Variants in ITGA11 observed in about 807,000 individuals in gnomAD.
ITGA11 encodes the protein integrin alpha-11.
A neutral mutation model predicts 141.9 loss-of-function variants in ITGA11; 97 were observed. The observed-to-expected ratio is 0.68, with a 90% CI of 0.58 to 0.81. ITGA11 has a LOEUF of 0.81. Ranked by LOEUF, ITGA11 falls within the 30% of genes least tolerant of loss-of-function variation. The pLI, the probability that ITGA11 is intolerant of heterozygous loss-of-function variation, is 0.00. For synonymous variants in ITGA11, 658 were observed against 624.6 expected, an observed-to-expected ratio of 1.05 and a Z score of -0.80; for missense variants, 1,387 against 1,559.2, an observed-to-expected ratio of 0.89 and a Z score of 1.86.
rs7163918 is a variant in ITGA11 at position 68,325,480 on chromosome 15, T to C, written c.2212-239A>G. ...TGCCAACCTAGCTGCCTGGCTGTTT[T>C]GCCAAGCTCCTGCACATCCTTCGGG... On this transcript the variant is annotated intron_variant, in intron 17 of 29. Transcript: ENST00000315757. This position sits in a 1 kb window ranked among gnomAD's most constrained non-coding sequence, Gnocchi z 5.5. Among the ~76,000 whole-genome samples, 16,103 of 152,144 alleles carry C rather than the reference T, an allele frequency of 0.11. 2,045 individuals are homozygous for C. Among genetic ancestry groups the C allele is most frequent in the African/African-American group, 0.31 (12,857 of 41,422 alleles).
At chr15:68,349,074 C>T (rs1464532936) in intron 9 of ITGA11, among the ~76,000 whole-genome samples, 174 bp from the exon 10 acceptor site, 1 of 152,230 alleles carries the variant, frequency 6.6e-6, no homozygotes, top group Non-Finnish European at 1.5e-5. Context: ...CCTCAGCCCT[C>T]CCCAGCACCC....
At chr15:68,377,014 C>T (rs961155433) in intron 2 of ITGA11, among the ~76,000 whole-genome samples, 4 of 152,234 alleles carry the variant, frequency 2.6e-5, no homozygotes, top group Admixed American at 1.3e-4. Context: ...AGCAGCACTT[C>T]TACCCTGGGA....
At chr15:68,415,299 G>A (rs1053784840) in intron 1 of ITGA11, among the ~76,000 whole-genome samples, 18 of 152,288 alleles carry the variant, frequency 1.2e-4, no homozygotes, top group African/African-American at 3.9e-4. Context: ...TGGAGAAGAC[G>A]GGGAGGAATA....
intron 2 of ITGA11, among the ~76,000 whole-genome samples, chr15:68,376,953 T>C (rs966715415): frequency 6.6e-6 from 1 of 152,186 alleles, no homozygotes; most frequent in Non-Finnish European, 1.5e-5. Context: ...TGGGAAGCCC[T>C]GTTTGAAGGA....
At chr15:68,331,175 G>GAGCAGC in intron 14 of ITGA11, 64 bp from the exon 15 acceptor site, 1 of 1,440,924 alleles carries the variant, frequency 6.9e-7, no homozygotes, top group Non-Finnish European at 9.5e-7. Context: ...GGGCGTCCCC[G>GAGCAGC]AGCAGCAGGA....
intron 16 of ITGA11, among the ~76,000 whole-genome samples, chr15:68,327,885 C>T (rs1224596891): frequency 6.6e-6 from 1 of 152,234 alleles, no homozygotes; most frequent in Non-Finnish European, 1.5e-5. Flanking sequence ...CATGATCACC[C>T]CTGCTCACTG....
intron 1 of ITGA11, among the ~76,000 whole-genome samples, chr15:68,421,259 G>A (rs963757010): frequency 3.2e-4 from 48 of 152,298 alleles, no homozygotes; most frequent in African/African-American, 1.1e-3. Context: ...AAGAGCATTC[G>A]AAGCAGAAGA....
chr15:68,385,429 G>T (rs1007124872), intron 2 of ITGA11, among the ~76,000 whole-genome samples: 1 of 152,202 alleles, frequency 6.6e-6, no homozygotes, highest in Non-Finnish European at 1.5e-5. Context: ...TAGGCTCCAC[G>T]GCTGGTTTTG....
Position 68,299,704 on chromosome 15 carries a change from C to T in ITGA11, c.*3355G>A, listed in dbSNP as rs1433917726. ...CCTGGGATTGAAGCCAGGGGACTGACTCAAGTCTAATGTCTTATTCTCAGA... is the reference window on the plus strand; with the variant it reads ...CCTGGGATTGAAGCCAGGGGACTGATTCAAGTCTAATGTCTTATTCTCAGA... On this transcript the variant is annotated 3_prime_UTR_variant, in exon 30 of 30. Coordinates refer to ENST00000315757, the MANE Select transcript of ITGA11 (RefSeq NM_001004439.2). 6.6e-6 allele frequency: 1 copy of T among 152,158 alleles called. No individual in the cohort carries two copies. Among genetic ancestry groups the T allele is most frequent in the Non-Finnish European group, 1.5e-5 (1 of 68,030 alleles). The allele number at this position is 152,158 out of a possible 1,614,324, so 9.4% of individuals were successfully genotyped here.
At chr15:68,390,107 C>T (rs913763988) in intron 2 of ITGA11, among the ~76,000 whole-genome samples, 4 of 152,074 alleles carry the variant, frequency 2.6e-5, no homozygotes, top group Admixed American at 2.0e-4. Flanking sequence ...TGTGTGTCTG[C>T]GAGTGTTGTT....
chr15:68,318,687 C>T (rs1027974669), intron 20 of ITGA11, among the ~76,000 whole-genome samples: 1 of 152,102 alleles, frequency 6.6e-6, no homozygotes, highest in Non-Finnish European at 1.5e-5. Flanking sequence ...TCAGCTTCCC[C>T]TCCTGGCTAT....
chr15:68,357,369 T>C, intron 6 of ITGA11, 70 bp from the exon 7 acceptor site: 1 of 1,540,832 alleles, frequency 6.5e-7, no homozygotes, highest in South Asian at 1.3e-5. Context: ...AATTTGAGAG[T>C]GAGGATCCCC....
chr15:68,428,678 G>T (rs1897199336), intron 1 of ITGA11, among the ~76,000 whole-genome samples: 1 of 152,186 alleles, frequency 6.6e-6, no homozygotes, highest in Admixed American at 6.5e-5. Context: ...GCAAGTCTTG[G>T]ACCTCTGGAG....
chr15:68,420,811 G>C (rs1372269547), intron 1 of ITGA11, among the ~76,000 whole-genome samples: 1 of 152,124 alleles, frequency 6.6e-6, no homozygotes, highest in Non-Finnish European at 1.5e-5. Flanking sequence ...CATTCCATCG[G>C]AGCAGGCAAT....
chr15:68,378,113 T>G (rs1333532445), intron 2 of ITGA11, among the ~76,000 whole-genome samples: 1 of 152,146 alleles, frequency 6.6e-6, no homozygotes, highest in East Asian at 1.9e-4. Flanking sequence ...GTCCCCCAAT[T>G]ATTGAGAGAG....
In ITGA11 at chr15:68,358,415, G is replaced by T. The variant is rs2306019; in HGVS notation, c.600+43C>A. The stretch of plus-strand genomic sequence containing the variant: ...TAAGGCAGCACCTGCCATGGGTTTG[G>T]GTGGCCCTGTTCAGAAGTGGAAAGA... On this transcript the variant is annotated intron_variant, in intron 6 of 29. Coordinates refer to ENST00000315757, the MANE Select transcript of ITGA11 (RefSeq NM_001004439.2). 2,533 of 1,563,636 alleles carry T rather than the reference G, an allele frequency of 1.6e-3. 71 individuals carry two copies. In the East Asian group the frequency reaches 0.055, roughly 34 times the overall value.
At chr15:68,327,924 C>A (rs973573348) in intron 16 of ITGA11, among the ~76,000 whole-genome samples, 172 bp downstream of exon 16, 20 of 152,238 alleles carry the variant, frequency 1.3e-4, no homozygotes, top group Non-Finnish European at 2.6e-4. Flanking sequence ...GACATCCCCT[C>A]TTTGCCCTTT....
chr15:68,377,239 A>G (rs985343781), intron 2 of ITGA11, among the ~76,000 whole-genome samples: 3 of 152,174 alleles, frequency 2.0e-5, no homozygotes, highest in African/African-American at 7.2e-5. Flanking sequence ...TTTGTTATCT[A>G]GTGTTCATGT....
rs111957377 is a variant in ITGA11, at chr15:68,313,933, C to T, written c.2793-65G>A. ...AGCCAGCACAGGCAGCGGGAAGGGT[C>T]TGAGGCAGACTGTGGAAGGAGCACA... On this transcript the variant is annotated intron_variant, in intron 22 of 29. Transcript: ENST00000315757. The T allele has an allele frequency of 3.7e-3, 4,698 of 1,259,316 alleles. 49 individuals carry two copies. The highest frequency in any genetic ancestry group is 0.035 in the African/African-American group (2,359 of 68,158). The allele number at this position is 1,259,316 out of a possible 1,614,324, so 78.0% of individuals were successfully genotyped here. A position where few individuals can be genotyped will look rare whatever the true frequency, so the allele number is the denominator to read the frequency against.
Sources: allele counts gnomAD v4.1 joint callset (sites outside exome capture counted in the v4.1 genomes callset), GRCh38; gene constraint gnomAD v4.1.1; non-coding constraint Gnocchi (gnomAD v3.1); transcripts MANE v1.5; gene names NCBI Gene and HGNC (gene_info 2026-07-23, HGNC 2026-07-21).